SLC4A4: variants seen among roughly 807,000 people sequenced by gnomAD.
SLC4A4 encodes the protein electrogenic sodium bicarbonate cotransporter 1.
A neutral mutation model predicts 111.5 loss-of-function variants in SLC4A4; 27 were observed. The observed-to-expected ratio is 0.24, with a 90% CI of 0.18 to 0.33. SLC4A4 has a LOEUF of 0.33. Among genes scored for constraint, SLC4A4 ranks in the 10% least tolerant of loss-of-function variants. The probability of loss-of-function intolerance (pLI) is 1.00; values close to 1 mark genes in which losing one functional copy is unlikely to be tolerated. For missense variants in SLC4A4, 909 were observed against 1,315.5 expected (o/e 0.69, Z 4.78); for synonymous variants, 443 against 463.4 (o/e 0.96, Z 0.57).
intron 3 of SLC4A4, among the ~76,000 whole-genome samples, chr4:71,273,680 T>G (rs1172406691): frequency 1.5e-5 from 2 of 135,084 alleles, no homozygotes; most frequent in Admixed American, 1.4e-4. Flanking sequence ...CTAGAATTCT[T>G]TTTTTTTTTT....
intron 8 of SLC4A4, among the ~76,000 whole-genome samples, chr4:71,446,813 G>T (rs1016545245): frequency 6.6e-6 from 1 of 152,032 alleles, no homozygotes; most frequent in Admixed American, 6.6e-5. Flanking sequence ...AGATTTTTTT[G>T]TAAATTTTTT....
At chr4:71,559,992 C>A in intron 22 of SLC4A4, 101 bp from the exon 23 acceptor site, 1 of 898,162 alleles carries the variant, frequency 1.1e-6, no homozygotes, top group Non-Finnish European at 1.8e-6. Flanking sequence ...TCTAGCCTTA[C>A]ACAAAGTAGG....
At chr4:71,171,383 A>G (rs114131695) in intron 2 of SLC4A4, among the ~76,000 whole-genome samples, 102 of 152,268 alleles carry the variant, frequency 6.7e-4, no homozygotes, top group African/African-American at 2.4e-3. Context: ...GAAAGAGCAT[A>G]GGCCTAAGCC....
intron 6 of SLC4A4, among the ~76,000 whole-genome samples, chr4:71,360,394 C>T (rs1432326162): frequency 6.6e-6 from 1 of 151,832 alleles, no homozygotes. Context: ...GGAGAAAATG[C>T]TAATAATGTA....
chr4:71,080,870 C>T (rs1205403291), intron 1 of SLC4A4, among the ~76,000 whole-genome samples: 1 of 151,968 alleles, frequency 6.6e-6, no homozygotes, highest in Non-Finnish European at 1.5e-5. Flanking sequence ...AAAACAGGCT[C>T]AGGTATTCCT....
At chr4:71,267,264 G>C (rs1195797786) in intron 3 of SLC4A4, among the ~76,000 whole-genome samples, 1 of 152,090 alleles carries the variant, frequency 6.6e-6, no homozygotes, top group Non-Finnish European at 1.5e-5. Flanking sequence ...TTTGATAAAA[G>C]GTAGGTTCTG....
chr4:71,474,878 A>G (rs1047508519), intron 14 of SLC4A4, among the ~76,000 whole-genome samples: 3 of 151,750 alleles, frequency 2.0e-5, no homozygotes, highest in Non-Finnish European at 2.9e-5. Flanking sequence ...CCCATGATAT[A>G]TATTATTATT....
chr4:71,214,016 T>A (rs903150032), intron 1 of SLC4A4, among the ~76,000 whole-genome samples: 2 of 152,170 alleles, frequency 1.3e-5, no homozygotes, highest in Non-Finnish European at 2.9e-5. Flanking sequence ...CGTAGGCTGC[T>A]CCCTTGCAAT....
intron 20 of SLC4A4, among the ~76,000 whole-genome samples, chr4:71,548,631 C>T (rs571276970): frequency 2.6e-5 from 4 of 151,826 alleles, no homozygotes; most frequent in African/African-American, 9.7e-5. Flanking sequence ...CCACTGTTAA[C>T]GATATCCTTC....
intron 12 of SLC4A4, among the ~76,000 whole-genome samples, chr4:71,465,049 T>G (rs1057504936): frequency 6.6e-6 from 1 of 152,112 alleles, no homozygotes; most frequent in Non-Finnish European, 1.5e-5. Context: ...ATAGGTTAAC[T>G]CGGAGGTTGA....
intron 1 of SLC4A4, among the ~76,000 whole-genome samples, chr4:71,079,844 C>T (rs1741945778): frequency 6.6e-6 from 1 of 150,652 alleles, no homozygotes; most frequent in Admixed American, 6.6e-5. Flanking sequence ...AGCAAGTCAT[C>T]ATATGTCACT....
chr4:71,299,212 A>G (rs1377283), intron 3 of SLC4A4, among the ~76,000 whole-genome samples: 4,974 of 152,264 alleles, frequency 0.033, 288 homozygotes, highest in African/African-American at 0.11. Flanking sequence ...CAGTCTTTCT[A>G]TTGTTTAGGC....
At chr4:71,129,851 G>A (rs61330012) in intron 2 of SLC4A4, among the ~76,000 whole-genome samples, 24 of 150,180 alleles carry the variant, frequency 1.6e-4, no homozygotes, top group African/African-American at 5.6e-4. Flanking sequence ...TGGAGCTGGA[G>A]GTCATTATCC....
intron 2 of SLC4A4, among the ~76,000 whole-genome samples, chr4:71,153,899 A>G (rs1744388442): frequency 6.6e-6 from 1 of 152,144 alleles, no homozygotes; most frequent in African/African-American, 2.4e-5. Context: ...CAGGGTCATC[A>G]GTATGTGATG....
At chr4:71,380,595 A>C (rs1718038949) in intron 6 of SLC4A4, among the ~76,000 whole-genome samples, 1 of 152,228 alleles carries the variant, frequency 6.6e-6, no homozygotes, top group South Asian at 2.1e-4. Flanking sequence ...TAAATGCAGA[A>C]CCAACCCCCA....
At chr4:71,504,699 CT>C in intron 16 of SLC4A4, among the ~76,000 whole-genome samples, 1 of 146,728 alleles carries the variant, frequency 6.8e-6, no homozygotes, top group East Asian at 2.0e-4. Flanking sequence ...TTCTTTTTTG[CT>C]TTTTTTGTAT....
chr4:71,374,343 T>A (rs976044704), intron 6 of SLC4A4, among the ~76,000 whole-genome samples: 2 of 152,222 alleles, frequency 1.3e-5, no homozygotes, highest in South Asian at 2.1e-4. Context: ...AGTACAACTT[T>A]AAAAATTCCT....
At chr4:71,515,662 G>A (rs745382365) in intron 16 of SLC4A4, among the ~76,000 whole-genome samples, 1 of 152,138 alleles carries the variant, frequency 6.6e-6, no homozygotes, top group Non-Finnish European at 1.5e-5. Flanking sequence ...ATTGTTGGGT[G>A]CATCTATTTT....
Position 71,560,069 on chromosome 4 carries a change from T to G in SLC4A4, c.2938-24T>G, listed in dbSNP as rs555870052. 396 of 1,579,866 alleles carry G rather than the reference T, an allele frequency of 2.5e-4. 3 individuals are homozygous for G. In the South Asian group the frequency reaches 4.3e-3, roughly 17 times the overall value. ...ACTTCATCTGACATGGTTTCTTTCA[T>G]ACTTTTAATATTTGCTCTTTCAGAT... On this transcript the variant is annotated intron_variant, in intron 22 of 25. Coordinates refer to ENST00000264485, the MANE Select transcript of SLC4A4 (RefSeq NM_001098484.3).
Sources: gnomAD v4.1 joint callset for allele counts (sites outside exome capture counted in the v4.1 genomes callset) on GRCh38, gnomAD v4.1.1 for gene constraint, MANE v1.5 for transcripts, NCBI Gene and HGNC (gene_info 2026-07-23, HGNC 2026-07-21) for gene names.